SKIC3: variants seen among roughly 807,000 people sequenced by gnomAD.
SKIC3 encodes SKI3 subunit of superkiller complex, also known as superkiller complex protein 3.
At chr5:95,471,871 C>T in the SKIC3 span, among the ~76,000 whole-genome samples, 1 of 152,194 alleles carries the variant, frequency 6.6e-6, no homozygotes, top group Admixed American at 6.5e-5. Flanking sequence ...GGCCCAGCAA[C>T]ATAAGCTGTG....
the SKIC3 span, chr5:95,540,789 T>G: frequency 6.2e-7 from 1 of 1,614,120 alleles, no homozygotes; most frequent in Admixed American, 1.7e-5. Context: ...CTGCACCTTG[T>G]TCCTGCCGTG....
chr5:95,482,583 G>T, the SKIC3 span: 1 of 1,614,030 alleles, frequency 6.2e-7, no homozygotes, highest in South Asian at 1.1e-5. Flanking sequence ...CACTGAACTT[G>T]TCTCAAAAGT....
the SKIC3 span, among the ~76,000 whole-genome samples, chr5:95,510,451 G>A: frequency 1.3e-5 from 2 of 152,190 alleles, no homozygotes; most frequent in African/African-American, 4.8e-5. Context: ...TGGTTTAGGA[G>A]TCATACAGCT....
the SKIC3 span, chr5:95,494,790 C>A: frequency 3.5e-5 from 57 of 1,613,414 alleles, no homozygotes; most frequent in Non-Finnish European, 4.8e-5. Flanking sequence ...TACAGTAATG[C>A]CTTCTAAATA....
chr5:95,512,825 A>C, the SKIC3 span: 1 of 572,558 alleles, frequency 1.7e-6, no homozygotes, highest in South Asian at 2.2e-5. Context: ...AATCCTAACG[A>C]GAAGAATCAA....
the SKIC3 span, among the ~76,000 whole-genome samples, chr5:95,526,828 G>A: frequency 2.6e-5 from 4 of 152,128 alleles, no homozygotes; most frequent in African/African-American, 9.7e-5. Context: ...ATTCACTGGG[G>A]ATTGCAAAAT....
At chr5:95,474,819 A>C in the SKIC3 span, among the ~76,000 whole-genome samples, 11 of 152,092 alleles carry the variant, frequency 7.2e-5, no homozygotes, top group Admixed American at 7.2e-4. Flanking sequence ...TTCGCTTTTC[A>C]TTATTTTTGT....
At chr5:95,492,304 T>G in the SKIC3 span, among the ~76,000 whole-genome samples, 1 of 151,918 alleles carries the variant, frequency 6.6e-6, no homozygotes. Context: ...CACTAATTAA[T>G]GTGTGGTAGT....
the SKIC3 span, among the ~76,000 whole-genome samples, chr5:95,474,752 G>C: frequency 6.6e-6 from 1 of 152,168 alleles, no homozygotes; most frequent in South Asian, 2.1e-4. Context: ...ATGAGTTGTA[G>C]ATTTGGTCTC....
At chr5:95,536,679 C>T in the SKIC3 span, 1 of 753,028 alleles carries the variant, frequency 1.3e-6, no homozygotes, top group Non-Finnish European at 2.4e-6. Context: ...AAAGACTACA[C>T]ATTATACTTC....
At chr5:95,527,734 T>C in the SKIC3 span, among the ~76,000 whole-genome samples, 1 of 152,154 alleles carries the variant, frequency 6.6e-6, no homozygotes, top group Non-Finnish European at 1.5e-5. Context: ...AATAATCAAG[T>C]AGTAATAACC....
the SKIC3 span, among the ~76,000 whole-genome samples, chr5:95,501,711 T>C: frequency 6.6e-6 from 1 of 151,898 alleles, no homozygotes; most frequent in Non-Finnish European, 1.5e-5. Flanking sequence ...ATTGTATATA[T>C]ATATATTTTT....
At chr5:95,480,962 C>T in the SKIC3 span, among the ~76,000 whole-genome samples, 7 of 151,918 alleles carry the variant, frequency 4.6e-5, no homozygotes, top group African/African-American at 1.7e-4. Flanking sequence ...TGGGGGGAGT[C>T]AAGCAAGAAG....
the SKIC3 span, among the ~76,000 whole-genome samples, chr5:95,510,351 A>G: frequency 1.3e-5 from 2 of 152,246 alleles, no homozygotes; most frequent in African/African-American, 4.8e-5. Flanking sequence ...AACAAAGATG[A>G]CAACAGCCCT....
At chr5:95,542,777 A>G in the SKIC3 span, among the ~76,000 whole-genome samples, 1 of 152,256 alleles carries the variant, frequency 6.6e-6, no homozygotes, top group Non-Finnish European at 1.5e-5. Context: ...GCCACTAAGT[A>G]AGAAAAAAGA....
At chr5:95,485,603 G>A in the SKIC3 span, among the ~76,000 whole-genome samples, 1 of 152,068 alleles carries the variant, frequency 6.6e-6, no homozygotes, top group Non-Finnish European at 1.5e-5. Flanking sequence ...CCTGGTTTGG[G>A]TATTAGGGTA....
the SKIC3 span, chr5:95,495,371 A>G: frequency 1.4e-4 from 31 of 217,840 alleles, no homozygotes; most frequent in African/African-American, 3.3e-4. Flanking sequence ...ATGAAAATAC[A>G]TAGTATTTTT....
At chr5:95,502,790 T>C in the SKIC3 span, 1 of 1,576,174 alleles carries the variant, frequency 6.3e-7, no homozygotes, top group Non-Finnish European at 8.6e-7. Context: ...CAAAAGTTCC[T>C]AAAACATGAA....
the SKIC3 span, chr5:95,514,813 A>G: frequency 6.3e-7 from 1 of 1,592,426 alleles, no homozygotes. Context: ...TCAGTTATTG[A>G]TATCAACAAG....
Sources: gnomAD v4.1 joint callset for allele counts (sites outside exome capture counted in the v4.1 genomes callset) on GRCh38, gnomAD v4.1.1 for gene constraint, MANE v1.5 for transcripts, NCBI Gene and HGNC (gene_info 2026-07-23, HGNC 2026-07-21) for gene names.